Variants in RBMS3 observed in about 807,000 individuals in gnomAD.
RBMS3 encodes RNA binding motif single stranded interacting protein 3.
In RBMS3, 27 loss-of-function variants were observed where a neutral mutation model predicts 66.8. The ratio of observed to expected loss-of-function variants is 0.40; its 90% CI spans 0.30 to 0.56. RBMS3 has a LOEUF of 0.56. RBMS3 is among the 20% of genes least tolerant of loss of function. The probability of loss-of-function intolerance (pLI) is 0.40; values close to 1 mark genes in which losing one functional copy is unlikely to be tolerated. For synonymous variants in RBMS3, 188 were observed against 183.0 expected, an observed-to-expected ratio of 1.03 and a Z score of -0.22; for missense variants, 513 against 549.5, an observed-to-expected ratio of 0.93 and a Z score of 0.66.
At chr3:29,894,184 C>G (rs2060068832) in intron 8 of RBMS3, among the ~76,000 whole-genome samples, 1 of 151,468 alleles carries the variant, frequency 6.6e-6, no homozygotes, top group Admixed American at 6.6e-5. Flanking sequence ...CTCTCTTCCC[C>G]TGATTGTAGA....
intron 6 of RBMS3, among the ~76,000 whole-genome samples, chr3:29,795,626 G>C (rs1248317985): frequency 6.6e-6 from 1 of 152,154 alleles, no homozygotes; most frequent in Non-Finnish European, 1.5e-5. Flanking sequence ...AATGGTAGTA[G>C]AATTAGATTC....
intron 10 of RBMS3, among the ~76,000 whole-genome samples, chr3:29,909,979 C>T (rs147198069): frequency 1.1e-3 from 170 of 152,108 alleles, no homozygotes; most frequent in African/African-American, 3.9e-3. Context: ...TCCAGTGTGT[C>T]CTTGGATAGT....
intron 1 of RBMS3, among the ~76,000 whole-genome samples, chr3:29,361,613 A>T (rs1046549575): frequency 6.6e-6 from 1 of 152,206 alleles, no homozygotes; most frequent in Non-Finnish European, 1.5e-5. Context: ...AGGTTGGGGA[A>T]GTTCTCCTGG....
intron 1 of RBMS3, among the ~76,000 whole-genome samples, chr3:29,394,475 T>C (rs2039455340): frequency 6.6e-6 from 1 of 152,134 alleles, no homozygotes; most frequent in African/African-American, 2.4e-5. Flanking sequence ...GATGACAGGA[T>C]TAAGAGATTA....
chr3:29,520,424 A>G (rs1246381361), intron 3 of RBMS3, among the ~76,000 whole-genome samples: 2 of 152,316 alleles, frequency 1.3e-5, no homozygotes, highest in South Asian at 2.1e-4. Context: ...TCTATTGGAC[A>G]GTACTGATTT....
chr3:29,301,849 T>C (rs532258191), intron 1 of RBMS3, among the ~76,000 whole-genome samples: 1 of 152,056 alleles, frequency 6.6e-6, no homozygotes, highest in South Asian at 2.1e-4. Flanking sequence ...GAGAACTAGT[T>C]TGCATGATCT....
chr3:29,379,284 C>A (rs902733338), intron 1 of RBMS3, among the ~76,000 whole-genome samples: 1 of 152,062 alleles, frequency 6.6e-6, no homozygotes, highest in Non-Finnish European at 1.5e-5. Context: ...TAGCTGTAAT[C>A]CAATAAATCT....
intron 10 of RBMS3, among the ~76,000 whole-genome samples, chr3:29,919,036 A>T (rs1409475761): frequency 6.6e-6 from 1 of 152,102 alleles, no homozygotes. Context: ...TTAAAATGAG[A>T]AAACAATTTT....
chr3:29,493,092 C>G (rs1307357254), intron 3 of RBMS3, among the ~76,000 whole-genome samples: 2 of 152,070 alleles, frequency 1.3e-5, no homozygotes, highest in Non-Finnish European at 2.9e-5. Context: ...GTTTTCCTTA[C>G]TAGGAAAAAA....
intron 4 of RBMS3, among the ~76,000 whole-genome samples, chr3:29,656,657 A>G (rs2050337684): frequency 6.6e-6 from 1 of 152,054 alleles, no homozygotes; most frequent in Non-Finnish European, 1.5e-5. Flanking sequence ...TGTGTGTGGG[A>G]AATAACCTGT....
chr3:29,862,517 C>G (rs547735434), intron 6 of RBMS3, among the ~76,000 whole-genome samples: 1 of 152,172 alleles, frequency 6.6e-6, no homozygotes, highest in Non-Finnish European at 1.5e-5. Flanking sequence ...AAACAGCATT[C>G]AACCTGTGAA....
chr3:29,929,388 C>T (rs2061046084), intron 10 of RBMS3, among the ~76,000 whole-genome samples: 1 of 152,034 alleles, frequency 6.6e-6, no homozygotes, highest in South Asian at 2.1e-4. Context: ...ATCTATGTAC[C>T]TGCTTTGGTA....
At chr3:29,518,790 G>T (rs1390238159) in intron 3 of RBMS3, among the ~76,000 whole-genome samples, 1 of 152,102 alleles carries the variant, frequency 6.6e-6, no homozygotes, top group Non-Finnish European at 1.5e-5. Context: ...TTCTAATTTT[G>T]TGTCTCAACT....
chr3:29,574,544 T>C (rs2047051200), intron 3 of RBMS3, among the ~76,000 whole-genome samples: 1 of 152,004 alleles, frequency 6.6e-6, no homozygotes, highest in Non-Finnish European at 1.5e-5. Context: ...GATTAGAGAG[T>C]CCATTTACAA....
intron 6 of RBMS3, among the ~76,000 whole-genome samples, chr3:29,764,712 A>G (rs375942228): frequency 1.3e-5 from 2 of 152,194 alleles, no homozygotes; most frequent in East Asian, 3.9e-4. Context: ...GTTTTCCCCA[A>G]TGAACATATT....
At chr3:29,988,976 G>A (rs560923488) in intron 13 of RBMS3, among the ~76,000 whole-genome samples, 2 of 152,048 alleles carry the variant, frequency 1.3e-5, no homozygotes, top group African/African-American at 4.8e-5. Flanking sequence ...TGATTCCTGA[G>A]TCCTATCCCC....
At chr3:29,874,831 C>A (rs999219912) in intron 7 of RBMS3, among the ~76,000 whole-genome samples, 14 of 151,996 alleles carry the variant, frequency 9.2e-5, no homozygotes, top group African/African-American at 3.1e-4. Flanking sequence ...GTACTAAGCC[C>A]AATATTTACT....
chr3:29,900,155 T>A (rs149951781), intron 10 of RBMS3, among the ~76,000 whole-genome samples: 120 of 151,922 alleles, frequency 7.9e-4, no homozygotes, highest in African/African-American at 2.7e-3. Context: ...GTTTCCCTTC[T>A]CTTTCTGATA....
At chr3:29,484,406 G>A (rs931794521) in intron 2 of RBMS3, among the ~76,000 whole-genome samples, 8 of 152,058 alleles carry the variant, frequency 5.3e-5, no homozygotes, top group Non-Finnish European at 1.2e-4. Flanking sequence ...TTCTCTCTAC[G>A]ACTTCATATG....
Sources: allele counts gnomAD v4.1 joint callset (sites outside exome capture counted in the v4.1 genomes callset), GRCh38; gene constraint gnomAD v4.1.1; transcripts MANE v1.5; gene names NCBI Gene and HGNC (gene_info 2026-07-23, HGNC 2026-07-21).